DIPK1C: variants seen among roughly 807,000 people sequenced by gnomAD.
DIPK1C encodes the protein familial non-conventional Alzheimer's dementia.
In DIPK1C, 33 loss-of-function variants were observed where a neutral mutation model predicts 28.0. The ratio of observed to expected loss-of-function variants is 1.18; its 90% CI spans 0.89 to 1.58. DIPK1C has a LOEUF of 1.58. Among genes scored for constraint, DIPK1C ranks in the 40% most tolerant of loss-of-function variants. The pLI is 0.00. For synonymous variants in DIPK1C, 255 were observed against 248.8 expected (o/e 1.02, Z -0.23); for missense variants, 569 against 568.5 (o/e 1.00, Z -0.01).
At chr18:74,458,941 A>G (rs77635007), upstream of DIPK1C, among the ~76,000 whole-genome samples, 16 of 111,884 alleles carry the variant, frequency 1.4e-4, no homozygotes, top group South Asian at 4.0e-3. Flanking sequence ...CAACCTGGGC[A>G]AAAAAAAAAA....
intron 1 of DIPK1C, among the ~76,000 whole-genome samples, chr18:74,449,034 G>A (rs995832904): frequency 2.0e-5 from 3 of 152,086 alleles, no homozygotes; most frequent in African/African-American, 4.8e-5. Context: ...ACTTGAAACC[G>A]GGAGGCGCAG....
intron 1 of DIPK1C, among the ~76,000 whole-genome samples, chr18:74,452,080 T>G (rs1311897239): frequency 2.0e-5 from 3 of 152,182 alleles, no homozygotes; most frequent in Admixed American, 1.3e-4. Flanking sequence ...GAAAACTGCC[T>G]TGAAAGTGAA....
In DIPK1C at chr18:74,457,044, AGCG is replaced by A; in HGVS notation, c.198+15_198+17del. 2 of 1,429,070 alleles carry A rather than the reference AGCG, an allele frequency of 1.4e-6. No individual in the cohort carries two copies. Among genetic ancestry groups the A allele is most frequent in the Non-Finnish European group, 1.8e-6 (2 of 1,101,160 alleles). 88.5% of individuals were successfully genotyped at this position (1,429,070 alleles called of 1,614,324 possible). On this transcript the variant is annotated intron_variant, in intron 1 of 3. Coordinates refer to ENST00000343998, the MANE Select transcript of DIPK1C (RefSeq NM_001044369.3). ...TCCCCGGACGCGCGGCGCGGGGCAG[AGCG>A]GCGGCGGGACCTACCAGCGCGGCCA...
intron 1 of DIPK1C, among the ~76,000 whole-genome samples, chr18:74,455,430 A>C (rs142213183): frequency 1.3e-5 from 2 of 152,182 alleles, no homozygotes; most frequent in African/African-American, 2.4e-5. Context: ...CAGGGGGGAA[A>C]AATTTATAAA....
chr18:74,440,748 GT>G (rs1328223809), intron 3 of DIPK1C, among the ~76,000 whole-genome samples: 1 of 152,230 alleles, frequency 6.6e-6, no homozygotes, highest in African/African-American at 2.4e-5. Flanking sequence ...AGGCGTTTGT[GT>G]TCCCATTTTG....
At chr18:74,453,442 G>A (rs1458834986) in intron 1 of DIPK1C, among the ~76,000 whole-genome samples, 1 of 152,176 alleles carries the variant, frequency 6.6e-6, no homozygotes. Context: ...AGAACCATTC[G>A]CTGCTGAGAA....
In DIPK1C at chr18:74,441,376, C is replaced by T. The variant is rs192055435; in HGVS notation, c.1041+576G>A. 5.0e-3 allele frequency among the ~76,000 whole-genome samples: 765 copies of T among 152,326 alleles called. 5 individuals carry two copies. The highest frequency in any genetic ancestry group is 0.018 in the African/African-American group (732 of 41,554). On this transcript the variant is annotated intron_variant, in intron 3 of 3. Coordinates refer to ENST00000343998, the MANE Select transcript of DIPK1C (RefSeq NM_001044369.3). The stretch of plus-strand genomic sequence containing the variant: ...AAGTGAGGGCAGAAGGAGACAGCTT[C>T]TGCCAAAAGAAGAGAGATGATCCAA...
chr18:74,461,457 C>G (rs1986617821), upstream of DIPK1C, among the ~76,000 whole-genome samples: 1 of 147,422 alleles, frequency 6.8e-6, no homozygotes, highest in Non-Finnish European at 1.5e-5. Context: ...GGCTGGAGTA[C>G]AGTGCTGTGA....
upstream of DIPK1C, among the ~76,000 whole-genome samples, chr18:74,461,400 CTCTT>C (rs1182686920): frequency 7.8e-6 from 1 of 128,688 alleles, no homozygotes; most frequent in Non-Finnish European, 1.6e-5. Context: ...TTCTTTCTTT[CTCTT>C]TCTCTTTTTT....
chr18:74,441,217 G>A (rs1015955535), intron 3 of DIPK1C, among the ~76,000 whole-genome samples: 1 of 152,188 alleles, frequency 6.6e-6, no homozygotes, highest in African/African-American at 2.4e-5. Context: ...GTTGGATAGT[G>A]TGGGTCCAGA....
Position 74,447,233 on chromosome 18 carries a change from C to CAGGTCCTCGCAG in DIPK1C, c.237_248dup (p.Glu81_Cys84dup), listed in dbSNP as rs1348646105. 6.5e-7 allele frequency: 1 copy of CAGGTCCTCGCAG among 1,549,082 alleles called. No homozygotes were observed. The highest frequency in any genetic ancestry group is 2.0e-5 in the Admixed American group (1 of 50,894). On this transcript the variant is annotated inframe_insertion, in exon 2 of 4. Transcript: ENST00000343998. This position sits in a 1 kb window ranked among gnomAD's most constrained non-coding sequence, Gnocchi z 4.1. ...GGAACAGCAGCTCTCCCGCCACACA[C>CAGGTCCTCGCAG]AGGTCCTCGCAGAGGTCCCCGGCCA...
chr18:74,442,479 C>A (rs1986158354), intron 2 of DIPK1C, among the ~76,000 whole-genome samples: 1 of 152,296 alleles, frequency 6.6e-6, no homozygotes, highest in Admixed American at 6.5e-5. Context: ...CAGGTGCCCA[C>A]CACCACACCC....
Position 74,447,101 on chromosome 18 carries a change from G to C in DIPK1C, c.381C>G (p.Pro127=). The C allele has an allele frequency of 6.4e-7, 1 of 1,550,546 alleles. No individual in the cohort carries two copies. The highest frequency in any genetic ancestry group is 2.0e-5 in the Admixed American group (1 of 51,008). ...CTGCCTCCTCTTCCAACAGGCTGAG[G>C]GGCGGGAAGCTGGAGAAGGCCTCCT... The part of the protein sequence containing the change: ...SKEEAFSSFP[P]LSLLEEEAGE... The change falls in exon 2 of 4, where the codon CCC becomes CCG. Residue 127 remains proline (P), a synonymous_variant. Transcript: ENST00000343998. The surrounding 1 kb of genome is among the most constrained non-coding windows in gnomAD (Gnocchi z 4.1).
rs980914300 is a variant in DIPK1C at position 74,436,296 on chromosome 18, T to G, written c.*205A>C. On this transcript the variant is annotated 3_prime_UTR_variant, in exon 4 of 4. Coordinates refer to ENST00000343998, the MANE Select transcript of DIPK1C (RefSeq NM_001044369.3). ...CTGTACCTCCTCCCTCATCTCATTT[T>G]ACACAAGGCGACAGGTCAGAGGCCA... is the stretch of plus-strand genomic sequence containing the variant. The G allele has an allele frequency of 6.9e-6, 4 of 579,860 alleles. No individual in the cohort carries two copies. Among genetic ancestry groups the G allele is most frequent in the Non-Finnish European group, 1.2e-5 (4 of 332,226 alleles). The allele number at this position is 579,860 out of a possible 1,614,324, so 35.9% of individuals were successfully genotyped here. A position where few individuals can be genotyped will look rare whatever the true frequency, so the allele number is the denominator to read the frequency against.
rs754507772 is a variant in DIPK1C, at chr18:74,436,689, A to G, written c.1072T>C (p.Phe358Leu). The change falls in exon 4 of 4, where the codon TTT becomes CTT. Residue 358 changes from phenylalanine (F) to leucine (L), a missense_variant. Transcript: ENST00000343998. ...VICDKIFRHW[F>L]SAPLKSSAVS... ...GCAGAGCTCTTGAGAGGCGCGGAAA[A>G]CCAATGGCGAAATATTTTGTCACAG... The G allele has an allele frequency of 6.2e-7, 1 of 1,613,582 alleles. No individual in the cohort carries two copies.
Position 74,436,270 on chromosome 18 carries a change from T to G in DIPK1C, c.*231A>C. On this transcript the variant is annotated 3_prime_UTR_variant, in exon 4 of 4. Coordinates refer to ENST00000343998, the MANE Select transcript of DIPK1C (RefSeq NM_001044369.3). ...GACCGAGAGCCCTCCTGAAGGGAGG[T>G]CTGTACCTCCTCCCTCATCTCATTT... The G allele has an allele frequency of 1.9e-6, 1 of 533,134 alleles. No homozygotes were observed. Among genetic ancestry groups the G allele is most frequent in the Non-Finnish European group, 3.3e-6 (1 of 303,234 alleles). 33.0% of individuals were successfully genotyped at this position (533,134 alleles called of 1,614,324 possible).
upstream of DIPK1C, among the ~76,000 whole-genome samples, chr18:74,462,296 C>G (rs1307012434): frequency 6.6e-6 from 1 of 152,198 alleles, no homozygotes; most frequent in East Asian, 1.9e-4. Flanking sequence ...GTCTCTACAG[C>G]TGGGGTTTTT....
At chr18:74,452,497 AG>A (rs1157310902) in intron 1 of DIPK1C, among the ~76,000 whole-genome samples, 3 of 152,050 alleles carry the variant, frequency 2.0e-5, no homozygotes, top group Non-Finnish European at 4.4e-5. Flanking sequence ...TAATCCGAGC[AG>A]TTTGGGAAGC....
At chr18:74,455,178 T>C (rs1026712822) in intron 1 of DIPK1C, among the ~76,000 whole-genome samples, 1 of 152,220 alleles carries the variant, frequency 6.6e-6, no homozygotes, top group African/African-American at 2.4e-5. Context: ...TTTTAATTCA[T>C]GACCTGGAAT....
Sources: allele counts gnomAD v4.1 joint callset (sites outside exome capture counted in the v4.1 genomes callset), GRCh38; gene constraint gnomAD v4.1.1; non-coding constraint Gnocchi (gnomAD v3.1); transcripts MANE v1.5; gene names NCBI Gene and HGNC (gene_info 2026-07-23, HGNC 2026-07-21).